MRC2: variants seen among roughly 807,000 people sequenced by gnomAD.
MRC2 encodes the protein C-type mannose receptor 2.
In MRC2, 84 loss-of-function variants were observed where a neutral mutation model predicts 206.2. The ratio of observed to expected loss-of-function variants is 0.41; its 90% CI spans 0.34 to 0.49. The LOEUF (loss-of-function observed/expected upper bound fraction) is 0.49, where lower values mean the gene tolerates loss of function less well. Among genes scored for constraint, MRC2 ranks in the 20% least tolerant of loss-of-function variants. MRC2 has a pLI of 0.31. For missense variants in MRC2, 1,676 were observed against 2,001.5 expected (o/e 0.84, Z 3.10); for synonymous variants, 798 against 800.0 (o/e 1.00, Z 0.04).
Position 62,680,112 on chromosome 17 carries a change from T to C in MRC2, c.2299-58T>C. 3.1e-6 allele frequency: 5 copies of C among 1,607,264 alleles called. No individual in the cohort carries two copies. In the South Asian group the frequency reaches 4.4e-5, roughly 14 times the overall value. ...GCCTCTTGTTCACCTGTTCCGGGCATGGGGGCGGCCTGCACCTTGCGCCTC... is the reference window on the plus strand; with the variant it reads ...GCCTCTTGTTCACCTGTTCCGGGCACGGGGGCGGCCTGCACCTTGCGCCTC... On this transcript the variant is annotated intron_variant, in intron 14 of 29. Transcript: ENST00000303375. This position sits in a 1 kb window ranked among gnomAD's most constrained non-coding sequence, Gnocchi z 4.8.
In MRC2 at chr17:62,675,188, G is replaced by T. The variant is rs923907540; in HGVS notation, c.1570-602G>T. On this transcript the variant is annotated intron_variant, in intron 9 of 29. Coordinates refer to ENST00000303375, the MANE Select transcript of MRC2 (RefSeq NM_006039.5). This position sits in a 1 kb window ranked among gnomAD's most constrained non-coding sequence, Gnocchi z 4.1. ...GTGTGGGGAGTGTTGAGGGTCCATGGTTAACAGCCCAGGATCACCAGGGGT... is the reference window on the plus strand; with the variant it reads ...GTGTGGGGAGTGTTGAGGGTCCATGTTTAACAGCCCAGGATCACCAGGGGT... Among the ~76,000 whole-genome samples the T allele has an allele frequency of 6.6e-6, 1 of 152,166 alleles. No individual in the cohort carries two copies. Among genetic ancestry groups the T allele is most frequent in the African/African-American group, 2.4e-5 (1 of 41,428 alleles).
chr17:62,681,024 G>T, intron 17 of MRC2, 38 bp from the exon 18 acceptor site: 1 of 1,612,658 alleles, frequency 6.2e-7, no homozygotes, highest in Non-Finnish European at 8.5e-7. Context: ...TGAGGGCAGG[G>T]GGCTGCCTAC....
chr17:62,647,953 C>G (rs1345157885), intron 1 of MRC2, among the ~76,000 whole-genome samples: 1 of 152,162 alleles, frequency 6.6e-6, no homozygotes, highest in Non-Finnish European at 1.5e-5. Context: ...AATTGGTCTA[C>G]GCAGTGGACA....
intron 1 of MRC2, among the ~76,000 whole-genome samples, chr17:62,649,730 G>A (rs1000408997): frequency 6.6e-6 from 1 of 152,046 alleles, no homozygotes; most frequent in African/African-American, 2.4e-5. Context: ...ATATTGTGCT[G>A]TGCTTCAAAT....
chr17:62,682,298 C>T lies in MRC2; in HGVS notation c.2867C>T (p.Thr956Ile), dbSNP rs745345999. 2.5e-6 allele frequency: 4 copies of T among 1,606,128 alleles called. No individual in the cohort carries two copies. The Admixed American group carries it at 6.8e-5, about 27-fold the overall frequency. The change falls in exon 20 of 30, where the codon ACC becomes ATC. Residue 956 changes from threonine (T) to isoleucine (I), a missense_variant. Coordinates refer to ENST00000303375, the MANE Select transcript of MRC2 (RefSeq NM_006039.5). ...TACATCTGCAAGCGCAGCAACGTCA[C>T]CAAAGAAACGCAGCCCCCAGACCTG... is the stretch of plus-strand genomic sequence containing the variant. Reference protein sequence around the residue: ...LPYICKRSNVTKETQPPDLPT... With the variant: ...LPYICKRSNVIKETQPPDLPT...
chr17:62,673,955 C>T (rs150353230), intron 8 of MRC2, 108 bp from the exon 9 acceptor site: 2 of 843,568 alleles, frequency 2.4e-6, no homozygotes, highest in African/African-American at 3.4e-5. Context: ...GTCAGAATCA[C>T]ACAGTAAGTC....
intron 19 of MRC2, 47 bp from the exon 20 acceptor site, chr17:62,682,188 C>T (rs2088975890): frequency 2.0e-6 from 3 of 1,502,514 alleles, no homozygotes; most frequent in Middle Eastern, 4.0e-4. Flanking sequence ...CCATGCCCTG[C>T]CCTGCTCTGC....
chr17:62,665,197 C>A (rs2147464647), intron 2 of MRC2, among the ~76,000 whole-genome samples: 1 of 152,256 alleles, frequency 6.6e-6, no homozygotes, highest in South Asian at 2.1e-4. Context: ...GTCAGGAGTT[C>A]AAGACCAGCC....
intron 1 of MRC2, among the ~76,000 whole-genome samples, chr17:62,657,468 G>A (rs139095408): frequency 4.9e-4 from 74 of 152,298 alleles, no homozygotes; most frequent in African/African-American, 1.5e-3. Flanking sequence ...AGCTTGATGC[G>A]TAGCACTGTG....
Position 62,680,995 on chromosome 17 carries a change from G to C in MRC2, c.2634+35G>C, listed in dbSNP as rs763966861. 3.7e-6 allele frequency: 6 copies of C among 1,611,868 alleles called. No individual in the cohort carries two copies. The highest frequency in any genetic ancestry group is 5.1e-6 in the Non-Finnish European group (6 of 1,179,084). On this transcript the variant is annotated intron_variant, in intron 17 of 29. Coordinates refer to ENST00000303375, the MANE Select transcript of MRC2 (RefSeq NM_006039.5). The surrounding 1 kb of genome is among the most constrained non-coding windows in gnomAD (Gnocchi z 4.8). ...GGATTGAGCAGGGGGCTGCAGGCTG[G>C]GGGAGGGCAGGCCCGGGATGAGGGC...
In MRC2 at chr17:62,693,430, A is replaced by C. The variant is rs2089134682; in HGVS notation, c.*979A>C. The C allele has an allele frequency of 6.6e-6, 1 of 152,600 alleles. No individual in the cohort carries two copies. The highest frequency in any genetic ancestry group is 2.4e-5 in the African/African-American group (1 of 41,434). 9.5% of individuals were successfully genotyped at this position (152,600 alleles called of 1,614,324 possible). ...GAGGCCACAGTCCCAGCCAGGACAAAGTATGCGGCCCATCCTGGTGCGACA... is the reference window on the plus strand; with the variant it reads ...GAGGCCACAGTCCCAGCCAGGACAACGTATGCGGCCCATCCTGGTGCGACA... On this transcript the variant is annotated 3_prime_UTR_variant, in exon 30 of 30. Coordinates refer to ENST00000303375, the MANE Select transcript of MRC2 (RefSeq NM_006039.5).
In MRC2 at chr17:62,666,656, G is replaced by C. The variant is rs1291023863; in HGVS notation, c.859+37G>C. The C allele has an allele frequency of 6.5e-7, 1 of 1,544,856 alleles. No homozygotes were observed. Among genetic ancestry groups the C allele is most frequent in the Non-Finnish European group, 8.7e-7 (1 of 1,144,196 alleles). On this transcript the variant is annotated intron_variant, in intron 4 of 29. Transcript: ENST00000303375. The surrounding 1 kb of genome is among the most constrained non-coding windows in gnomAD (Gnocchi z 5.0). ...CCTGATGCCTGCTCGTGCCTCTGGA[G>C]GGCCCGGGCCCTTTCCGCTTGTGGG...
Position 62,675,965 on chromosome 17 carries a change from C to T in MRC2, c.1685+60C>T, listed in dbSNP as rs1200136474. On this transcript the variant is annotated intron_variant, in intron 10 of 29. Transcript: ENST00000303375. The surrounding 1 kb of genome is among the most constrained non-coding windows in gnomAD (Gnocchi z 4.1). Reference sequence around the variant, plus strand: ...CCCATGTCTGGGCCTATTGTGGTCCCTTCAGCAAACAGGGTAGCATCTGCC... The same window carrying T: ...CCCATGTCTGGGCCTATTGTGGTCCTTTCAGCAAACAGGGTAGCATCTGCC... The T allele has an allele frequency of 7.1e-7, 1 of 1,410,486 alleles. No homozygotes were observed. The highest frequency in any genetic ancestry group is 1.4e-5 in the African/African-American group (1 of 70,920). The allele number at this position is 1,410,486 out of a possible 1,614,324, so 87.4% of individuals were successfully genotyped here. A position where few individuals can be genotyped will look rare whatever the true frequency, so the allele number is the denominator to read the frequency against.
chr17:62,628,046 T>A (rs1252752784), intron 1 of MRC2, 126 bp downstream of exon 1: 1 of 593,596 alleles, frequency 1.7e-6, no homozygotes, highest in Non-Finnish European at 2.6e-6. Flanking sequence ...CGTGTGTGTG[T>A]GACTGGGTTT....
chr17:62,654,554 C>A (rs1243601329), intron 1 of MRC2, among the ~76,000 whole-genome samples: 1 of 152,048 alleles, frequency 6.6e-6, no homozygotes, highest in Non-Finnish European at 1.5e-5. Context: ...CTCTGGCTGC[C>A]TCTGTGGATG....
chr17:62,637,679 G>A (rs1226653895), intron 1 of MRC2, among the ~76,000 whole-genome samples: 2 of 152,108 alleles, frequency 1.3e-5, no homozygotes, highest in Admixed American at 6.6e-5. Flanking sequence ...CCTGCCAGGA[G>A]CACCAGCTTC....
At position 62,689,540 on chromosome 17, in the gene MRC2, C is replaced by T. The variant is rs1264079226; in HGVS notation, c.3353C>T (p.Ser1118Phe). The T allele has an allele frequency of 1.3e-6, 2 of 1,584,526 alleles. No individual in the cohort carries two copies. The highest frequency in any genetic ancestry group is 1.7e-6 in the Non-Finnish European group (2 of 1,164,268). The change falls in exon 24 of 30, where the codon TCC (serine) becomes TTC (phenylalanine). Residue 1118 changes from serine (S) to phenylalanine (F), a missense_variant. This residue lies in a region of MRC2 where 1,354 missense variants were observed against 1,636.6 expected (regional missense o/e 0.83). Coordinates refer to ENST00000303375, the MANE Select transcript of MRC2 (RefSeq NM_006039.5). ...QKGTDPSLSP[S>F]PAALPPAPGT... ...CCTGTAGACCCCTCCCTGAGCCCGT[C>T]CCCAGCAGCGCTGCCCCCCGCCCCG...
intron 1 of MRC2, among the ~76,000 whole-genome samples, chr17:62,628,378 T>C (rs987013554): frequency 2.6e-5 from 4 of 152,016 alleles, no homozygotes; most frequent in Non-Finnish European, 5.9e-5. Flanking sequence ...GCTTTCCAAC[T>C]ATCCGCGAGG....
In MRC2 at chr17:62,676,542, T is replaced by C. The variant is rs1954498753; in HGVS notation, c.1834+11T>C. ...ACCGGGACCAGCCCGGTGAGCCCCT[T>C]ATTTGACTTGCCTTGGTGAAGCGAG... is the stretch of plus-strand genomic sequence containing the variant. On this transcript the variant is annotated intron_variant, in intron 11 of 29. Transcript: ENST00000303375. The C allele has an allele frequency of 6.4e-7, 1 of 1,573,396 alleles. No individual in the cohort carries two copies. The highest frequency in any genetic ancestry group is 1.8e-5 in the Admixed American group (1 of 54,898).
Sources: gnomAD v4.1 joint callset for allele counts (sites outside exome capture counted in the v4.1 genomes callset) on GRCh38, gnomAD v4.1.1 for gene constraint, gnomAD v4.1.1 regional missense constraint, Gnocchi (gnomAD v3.1) non-coding constraint, MANE v1.5 for transcripts, NCBI Gene and HGNC (gene_info 2026-07-23, HGNC 2026-07-21) for gene names.